HPSE2: variants seen among roughly 807,000 people sequenced by gnomAD.
HPSE2 encodes the protein inactive heparanase-2.
A neutral mutation model predicts 60.5 loss-of-function variants in HPSE2; 38 were observed. That is an observed-to-expected ratio of 0.63 (90% CI 0.48 to 0.82). HPSE2 has a LOEUF of 0.82. HPSE2 is among the 40% of genes least tolerant of loss of function. The pLI, the probability that HPSE2 is intolerant of heterozygous loss-of-function variation, is 0.00. For missense variants in HPSE2, 713 were observed against 740.4 expected (o/e 0.96, Z 0.43); for synonymous variants, 295 against 293.2 (o/e 1.01, Z -0.06).
chr10:99,309,072 G>A, the HPSE2 span, among the ~76,000 whole-genome samples: 1 of 152,086 alleles, frequency 6.6e-6, no homozygotes. Context: ...AAAGAGGCCA[G>A]ATACAAAAGA....
intron 3 of HPSE2, among the ~76,000 whole-genome samples, chr10:99,056,733 C>T (rs907624453): frequency 6.6e-6 from 1 of 151,992 alleles, no homozygotes; most frequent in Non-Finnish European, 1.5e-5. Context: ...GAGTAGACAA[C>T]AATTTCTTAA....
chr10:99,299,198 A>C, the HPSE2 span, among the ~76,000 whole-genome samples: 3 of 151,952 alleles, frequency 2.0e-5, no homozygotes, highest in South Asian at 6.2e-4. Flanking sequence ...TTCTACTCCA[A>C]AGTCATCAGG....
intron 6 of HPSE2, among the ~76,000 whole-genome samples, chr10:98,653,075 T>G (rs543400375): frequency 1.3e-5 from 2 of 152,328 alleles, no homozygotes; most frequent in Non-Finnish European, 2.9e-5. Flanking sequence ...TTAGGATAAT[T>G]CTTGGAGAAT....
intron 3 of HPSE2, among the ~76,000 whole-genome samples, chr10:98,985,138 G>C (rs1956309157): frequency 6.6e-6 from 1 of 152,128 alleles, no homozygotes; most frequent in Admixed American, 6.5e-5. Flanking sequence ...GAAATACAGA[G>C]AACGCCACAA....
At chr10:99,118,516 C>T (rs1844802091) in intron 3 of HPSE2, among the ~76,000 whole-genome samples, 1 of 121,134 alleles carries the variant, frequency 8.3e-6, no homozygotes, top group African/African-American at 2.7e-5. Flanking sequence ...GAGCAAGACT[C>T]CTTCTCCAAA....
At chr10:98,992,344 T>C (rs969127995) in intron 3 of HPSE2, among the ~76,000 whole-genome samples, 4 of 152,190 alleles carry the variant, frequency 2.6e-5, no homozygotes, top group Non-Finnish European at 5.9e-5. Context: ...AATTTCTTAG[T>C]AATAATTCTC....
At chr10:98,810,913 T>C (rs1287167888) in intron 3 of HPSE2, among the ~76,000 whole-genome samples, 1 of 152,110 alleles carries the variant, frequency 6.6e-6, no homozygotes, top group Non-Finnish European at 1.5e-5. Flanking sequence ...TCCTCAAAAA[T>C]ATAGCTGTGA....
chr10:99,298,485 T>A, the HPSE2 span, among the ~76,000 whole-genome samples: 1 of 152,206 alleles, frequency 6.6e-6, no homozygotes, highest in South Asian at 2.1e-4. Context: ...TGGAGTTAGT[T>A]CACATTATCA....
intron 2 of HPSE2, among the ~76,000 whole-genome samples, chr10:99,200,915 C>G (rs1437631117): frequency 6.6e-6 from 1 of 152,130 alleles, no homozygotes; most frequent in African/African-American, 2.4e-5. Context: ...TGTACCAATA[C>G]TTGGAAACCA....
In HPSE2 at chr10:98,989,697, T is replaced by A. The variant is rs117164404; in HGVS notation, c.610+154541A>T. Among the ~76,000 whole-genome samples the A allele has an allele frequency of 3.4e-4, 51 of 152,100 alleles. 3 individuals carry two copies. The East Asian group carries it at 9.8e-3, about 29-fold the overall frequency. On this transcript the variant is annotated intron_variant, in intron 3 of 11. Coordinates refer to ENST00000370552, the MANE Select transcript of HPSE2 (RefSeq NM_021828.5). ...AAAAGGCTTGTCTTTTAATCCAGGA[T>A]GCTTGGTCTCCATGTGGCGAAGCAG...
intron 3 of HPSE2, among the ~76,000 whole-genome samples, chr10:98,878,601 G>A (rs1589996781): frequency 6.6e-6 from 1 of 151,960 alleles, no homozygotes; most frequent in East Asian, 1.9e-4. Flanking sequence ...TGATTAGAAT[G>A]AAAATAGGAG....
intron 9 of HPSE2, among the ~76,000 whole-genome samples, chr10:98,559,883 T>C (rs564948834): frequency 1.3e-5 from 2 of 152,286 alleles, no homozygotes; most frequent in South Asian, 4.1e-4. Context: ...CTATTTAGAT[T>C]TGCAGAGAGT....
the HPSE2 span, among the ~76,000 whole-genome samples, chr10:99,289,167 C>G: frequency 6.6e-6 from 1 of 152,084 alleles, no homozygotes; most frequent in African/African-American, 2.4e-5. Context: ...TGAGAGGCAG[C>G]TGATGTTTGA....
At chr10:98,717,116 A>C (rs1565104736) in intron 5 of HPSE2, among the ~76,000 whole-genome samples, 1 of 152,186 alleles carries the variant, frequency 6.6e-6, no homozygotes, top group South Asian at 2.1e-4. Flanking sequence ...ATTTCCTTAA[A>C]CTTCATAAAC....
In HPSE2 at chr10:99,187,092, T is replaced by C. The variant is rs180958210; in HGVS notation, c.449-42693A>G. ...AGCTACCCCACCCAGCCTCAAAAAC[T>C]TGAATATAAAAGAAAATTGAATAAT... On this transcript the variant is annotated intron_variant, in intron 2 of 11. Transcript: ENST00000370552. 7.1e-3 allele frequency among the ~76,000 whole-genome samples: 1,074 copies of C among 151,926 alleles called. 6 individuals carry two copies. Among genetic ancestry groups the C allele is most frequent in the Non-Finnish European group, 0.012 (809 of 67,942 alleles).
At chr10:98,689,025 G>A (rs1013649274) in intron 6 of HPSE2, among the ~76,000 whole-genome samples, 5 of 151,448 alleles carry the variant, frequency 3.3e-5, no homozygotes, top group East Asian at 3.9e-4. Flanking sequence ...AGATTTTTAC[G>A]TTATTTTTGT....
chr10:98,971,642 G>A (rs1289197850), intron 3 of HPSE2, among the ~76,000 whole-genome samples: 1 of 152,082 alleles, frequency 6.6e-6, no homozygotes, highest in African/African-American at 2.4e-5. Context: ...GCTTTTAAGT[G>A]TTGCATAACA....
intron 3 of HPSE2, among the ~76,000 whole-genome samples, chr10:98,769,385 G>A (rs929144618): frequency 6.6e-6 from 1 of 152,098 alleles, no homozygotes; most frequent in Non-Finnish European, 1.5e-5. Flanking sequence ...TTATGGAAAT[G>A]GACATCTTTA....
intron 3 of HPSE2, among the ~76,000 whole-genome samples, chr10:98,985,780 T>A (rs1216033410): frequency 6.6e-6 from 1 of 151,686 alleles, no homozygotes; most frequent in Non-Finnish European, 1.5e-5. Flanking sequence ...AGGCACAAAA[T>A]AAACGGATGG....
Sources: gnomAD v4.1 joint callset for allele counts (sites outside exome capture counted in the v4.1 genomes callset) on GRCh38, gnomAD v4.1.1 for gene constraint, MANE v1.5 for transcripts, NCBI Gene and HGNC (gene_info 2026-07-23, HGNC 2026-07-21) for gene names.